Variants in DLC1 observed in about 807,000 individuals in gnomAD.
DLC1 encodes DLC1 Rho GTPase activating protein, also known as rho GTPase-activating protein 7.
Under a neutral mutation model 140.3 loss-of-function variants are expected in DLC1, and 54 were observed. The ratio of observed to expected loss-of-function variants is 0.38; its 90% CI spans 0.31 to 0.48. DLC1 has a LOEUF of 0.48. DLC1 is among the 20% of genes least tolerant of loss of function. The pLI is 0.96. For synonymous variants in DLC1, 986 were observed against 728.1 expected, an observed-to-expected ratio of 1.35 and a Z score of -5.70; for missense variants, 2,536 against 1,907.0, an observed-to-expected ratio of 1.33 and a Z score of -6.14.
At chr8:13,515,443 T>A (rs1293479349), upstream of DLC1, 1 of 152,212 alleles carries the variant, frequency 6.6e-6, no homozygotes, top group African/African-American at 2.4e-5. Flanking sequence ...TTATGGCAAA[T>A]GCAGCAGCGC....
At chr8:13,249,023 T>A (rs1317846164) in intron 5 of DLC1, among the ~76,000 whole-genome samples, 3 of 152,188 alleles carry the variant, frequency 2.0e-5, no homozygotes, top group Admixed American at 2.0e-4. Context: ...ACTCCTCACT[T>A]TCCATTCCTC....
chr8:13,094,559 G>A (rs747273770), intron 12 of DLC1, among the ~76,000 whole-genome samples, 200 bp downstream of exon 12: 1 of 152,086 alleles, frequency 6.6e-6, no homozygotes, highest in African/African-American at 2.4e-5. Context: ...CCAGCCACTT[G>A]GGAGGCTGAG....
chr8:13,096,175 C>G (rs1217758886), intron 10 of DLC1: 2 of 152,184 alleles, frequency 1.3e-5, no homozygotes, highest in Admixed American at 6.5e-5. Flanking sequence ...TCCACAGATC[C>G]CACCATGTGA....
intron 2 of DLC1, among the ~76,000 whole-genome samples, chr8:13,478,055 T>A (rs547952491): frequency 6.6e-6 from 1 of 152,270 alleles, no homozygotes; most frequent in Non-Finnish European, 1.5e-5. Flanking sequence ...TGTATTAGGT[T>A]GTTCTCGCAT....
chr8:13,195,915 G>A (rs532335502), intron 5 of DLC1, among the ~76,000 whole-genome samples: 1 of 152,174 alleles, frequency 6.6e-6, no homozygotes, highest in African/African-American at 2.4e-5. Context: ...GCCAATTTAG[G>A]ACATTTTAAT....
chr8:13,468,296 A>G (rs893251963), intron 2 of DLC1, among the ~76,000 whole-genome samples: 2 of 150,482 alleles, frequency 1.3e-5, no homozygotes, highest in Admixed American at 6.7e-5. Flanking sequence ...CGGTAATAAT[A>G]GTTCTTTTTT....
chr8:13,584,043 A>G lies in DLC1; in HGVS notation c.-126+20494T>C, dbSNP rs1165113069. ...TCTGTATGTTCTGTTGAGCACTGGT[A>G]GAAAGTGTCTGAGTGCCTGATACCA... is the stretch of plus-strand genomic sequence containing the variant. On this transcript the variant is annotated intron_variant, in intron 1 of 1. Coordinates refer to the DLC1 transcript ENST00000631382. 3 of 152,562 alleles carry G rather than the reference A, an allele frequency of 2.0e-5. 1 individual carries two copies. The highest frequency in any genetic ancestry group is 1.9e-4 in the East Asian group (1 of 5,202). 9.5% of individuals were successfully genotyped at this position (152,562 alleles called of 1,614,324 possible).
intron 2 of DLC1, among the ~76,000 whole-genome samples, chr8:13,460,501 A>C (rs1176395919): frequency 6.6e-6 from 1 of 152,220 alleles, no homozygotes; most frequent in Admixed American, 6.5e-5. Context: ...TCCATCCTGG[A>C]ATATCTCCTA....
At chr8:13,457,961 C>T (rs531064604) in intron 2 of DLC1, among the ~76,000 whole-genome samples, 1 of 152,020 alleles carries the variant, frequency 6.6e-6, no homozygotes. Context: ...TTTTGAAATA[C>T]TTTATTAAAG....
At chr8:13,588,622 A>T (rs546566528) in intron 1 of DLC1, among the ~76,000 whole-genome samples, 2 of 152,254 alleles carry the variant, frequency 1.3e-5, no homozygotes, top group South Asian at 4.1e-4. Flanking sequence ...GACAGAAAAT[A>T]GTCTTAAATG....
chr8:13,593,445 A>G (rs925103611), intron 1 of DLC1, among the ~76,000 whole-genome samples: 1 of 152,104 alleles, frequency 6.6e-6, no homozygotes, highest in Non-Finnish European at 1.5e-5. Context: ...AGTGGACGTT[A>G]TATGTGTTAC....
intron 2 of DLC1, among the ~76,000 whole-genome samples, chr8:13,420,106 T>G (rs554427383): frequency 1.3e-5 from 2 of 152,314 alleles, no homozygotes; most frequent in African/African-American, 4.8e-5. Flanking sequence ...TTCTCTCTTT[T>G]TTTCTTTATT....
chr8:13,249,556 G>A (rs1337555047), intron 5 of DLC1, among the ~76,000 whole-genome samples: 2 of 152,002 alleles, frequency 1.3e-5, no homozygotes, highest in East Asian at 3.9e-4. Context: ...CTTCACTTGT[G>A]CCTTTCACAC....
chr8:13,092,530 C>T, intron 13 of DLC1, 82 bp downstream of exon 13: 2 of 1,469,192 alleles, frequency 1.4e-6, no homozygotes, highest in Non-Finnish European at 1.9e-6. Flanking sequence ...AGGAAAGAGT[C>T]CCACAAAACC....
intron 4 of DLC1, among the ~76,000 whole-genome samples, chr8:13,334,049 G>A (rs1833713050): frequency 6.6e-6 from 1 of 152,144 alleles, no homozygotes; most frequent in African/African-American, 2.4e-5. Context: ...TAACTGTTAG[G>A]AAGAAGAGAA....
intron 5 of DLC1, among the ~76,000 whole-genome samples, chr8:13,221,077 T>C (rs1474658547): frequency 6.6e-6 from 1 of 152,206 alleles, no homozygotes; most frequent in East Asian, 1.9e-4. Context: ...GGAATATCTT[T>C]TGAGTCTTCA....
intron 5 of DLC1, among the ~76,000 whole-genome samples, chr8:13,205,911 C>G (rs1192539467): frequency 1.3e-5 from 2 of 152,164 alleles, no homozygotes; most frequent in Non-Finnish European, 2.9e-5. Context: ...GATGTTTTGA[C>G]AATCTAATCA....
rs1563593242 is a variant in DLC1, at chr8:13,099,969, C to T, written c.2368G>A (p.Val790Met). The change falls in exon 9 of 18, where the codon GTG becomes ATG. Residue 790 changes from valine (V) to methionine (M), a missense_variant. Val to Met is a conservative substitution (Grantham distance 21). Transcript: ENST00000276297. Reference protein sequence around the residue: ...DPFNQSTFNNVVEQNFKNRES... With the variant: ...DPFNQSTFNNMVEQNFKNRES... ...CGGTTCTTAAAGTTCTGCTCCACCA[C>T]GTTGTTAAATGTTGACTGATTGAAA... The T allele has an allele frequency of 3.1e-6, 5 of 1,612,690 alleles. No individual in the cohort carries two copies. Among genetic ancestry groups the T allele is most frequent in the Admixed American group, 1.7e-5 (1 of 60,036 alleles).
intron 8 of DLC1, among the ~76,000 whole-genome samples, chr8:13,102,307 T>A (rs1457757761): frequency 6.6e-6 from 1 of 152,210 alleles, no homozygotes; most frequent in Non-Finnish European, 1.5e-5. Context: ...ATCTCCTGCC[T>A]TCTCCTCTTC....
Sources: gnomAD v4.1 joint callset for allele counts (sites outside exome capture counted in the v4.1 genomes callset) on GRCh38, gnomAD v4.1.1 for gene constraint, MANE v1.5 for transcripts, NCBI Gene and HGNC (gene_info 2026-07-23, HGNC 2026-07-21) for gene names.